The following NPTN variants were observed in gnomAD, a reference collection of about 807,000 sequenced individuals.
NPTN encodes the protein neuroplastin.
NPTN carries 5 observed loss-of-function variants against 42.7 expected under a neutral mutation model. The observed-to-expected ratio is 0.12, with a 90% CI of 0.06 to 0.25. NPTN has a LOEUF of 0.25. Ranked by LOEUF, NPTN falls within the 10% of genes least tolerant of loss-of-function variation. NPTN has a pLI of 1.00. For missense variants in NPTN, 307 were observed against 525.4 expected, an observed-to-expected ratio of 0.58 and a Z score of 4.06; for synonymous variants, 180 against 201.9, an observed-to-expected ratio of 0.89 and a Z score of 0.92.
intron 1 of NPTN, among the ~76,000 whole-genome samples, chr15:73,601,569 A>C (rs990514686): frequency 6.6e-6 from 1 of 152,204 alleles, no homozygotes; most frequent in African/African-American, 2.4e-5. Flanking sequence ...CTTCAACAAG[A>C]AAGCACACAC....
intron 1 of NPTN, among the ~76,000 whole-genome samples, chr15:73,606,221 A>C (rs1335903563): frequency 6.6e-6 from 1 of 152,224 alleles, no homozygotes; most frequent in African/African-American, 2.4e-5. Flanking sequence ...GATCCAAGAA[A>C]GTGTGGCCAA....
Position 73,561,893 on chromosome 15 carries a change from T to TA in NPTN, c.*14+2dup. The TA allele has an allele frequency of 6.3e-7, 1 of 1,597,184 alleles. No homozygotes were observed. Among genetic ancestry groups the TA allele is most frequent in the Non-Finnish European group, 8.6e-7 (1 of 1,168,634 alleles). On this transcript the variant is annotated splice_region_variant and intron_variant, in intron 8 of 8. Transcript: ENST00000345330. ...TAAGACTGCTACAGAAGGCCATACTTACATTGTAAGCAGTACTTAATTTGT... is the reference window on the plus strand; with the variant it reads ...TAAGACTGCTACAGAAGGCCATACTTAACATTGTAAGCAGTACTTAATTTGT...
chr15:73,609,254 T>C (rs1017109281), intron 1 of NPTN, among the ~76,000 whole-genome samples: 1 of 152,194 alleles, frequency 6.6e-6, no homozygotes, highest in Non-Finnish European at 1.5e-5. Context: ...ATGACTCAGA[T>C]ATAAGGCACA....
At chr15:73,588,856 AGTTCT>A (rs766480218) in intron 3 of NPTN, among the ~76,000 whole-genome samples, 3 of 152,226 alleles carry the variant, frequency 2.0e-5, no homozygotes, top group Non-Finnish European at 4.4e-5. Context: ...CAACAGACCA[AGTTCT>A]ATGTGGATAG....
chr15:73,573,587 G>A, intron 5 of NPTN, 75 bp downstream of exon 5: 1 of 1,464,278 alleles, frequency 6.8e-7, no homozygotes, highest in Non-Finnish European at 9.1e-7. Flanking sequence ...AGCTACTACA[G>A]TAACTGACCC....
In NPTN at chr15:73,592,086, A is replaced by T; in HGVS notation, c.491T>A (p.Leu164His). 6.2e-7 allele frequency: 1 copy of T among 1,614,082 alleles called. No individual in the cohort carries two copies. Among genetic ancestry groups the T allele is most frequent in the South Asian group, 1.1e-5 (1 of 91,084 alleles). The change falls in exon 3 of 9, where the codon CTC becomes CAC. Residue 164 changes from leucine (L) to histidine (H), a missense_variant. By Grantham distance (99) the Leu-to-His change is moderately conservative (BLOSUM62 -3). This residue lies in a region of NPTN where 264 missense variants were observed against 491.1 expected (regional missense o/e 0.54). Coordinates refer to ENST00000345330, the MANE Select transcript of NPTN (RefSeq NM_012428.4). The stretch of plus-strand genomic sequence containing the variant: ...GAGGTTACACTGCAGGGTGACAGGG[A>T]GAACAGGGCTGTCTCGAATAATGAC... ...EEVIIRDSPV[L>H]PVTLQCNLTS... is the part of the protein sequence containing the mutation.
intron 1 of NPTN, among the ~76,000 whole-genome samples, chr15:73,609,103 C>T (rs1897431169): frequency 6.6e-6 from 1 of 152,142 alleles, no homozygotes; most frequent in South Asian, 2.1e-4. Flanking sequence ...AAATGATTCA[C>T]CACTGAATGC....
At chr15:73,594,285 G>A (rs1372735730) in intron 2 of NPTN, among the ~76,000 whole-genome samples, 1 of 152,176 alleles carries the variant, frequency 6.6e-6, no homozygotes, top group Non-Finnish European at 1.5e-5. Context: ...GGAGGCCAAA[G>A]TAAATGCTAC....
Position 73,633,351 on chromosome 15 carries a change from T to C in NPTN, c.-136A>G, listed in dbSNP as rs1898876018. 5 of 578,462 alleles carry C rather than the reference T, an allele frequency of 8.6e-6. No homozygotes were observed. Among genetic ancestry groups the C allele is most frequent in the Non-Finnish European group, 8.3e-6 (3 of 363,228 alleles). 35.8% of individuals were successfully genotyped at this position (578,462 alleles called of 1,614,324 possible). A position where few individuals can be genotyped will look rare whatever the true frequency, so the allele number is the denominator to read the frequency against. On this transcript the variant is annotated 5_prime_UTR_variant, in exon 1 of 9. Coordinates refer to ENST00000345330, the MANE Select transcript of NPTN (RefSeq NM_012428.4). The stretch of plus-strand genomic sequence containing the variant: ...AGGCAGCCGCGGCTCGGCTCCGTCC[T>C]TCCCCGTCCTCCTCCTGCCGCCGCA...
chr15:73,598,415 C>G (rs1896925924), intron 1 of NPTN, among the ~76,000 whole-genome samples: 1 of 151,882 alleles, frequency 6.6e-6, no homozygotes, highest in Admixed American at 6.6e-5. Context: ...CTCTAATTGC[C>G]CATAATTTGC....
intron 4 of NPTN, among the ~76,000 whole-genome samples, chr15:73,585,292 T>C (rs1382883276): frequency 6.6e-6 from 1 of 152,196 alleles, no homozygotes; most frequent in African/African-American, 2.4e-5. Context: ...TAACTCTCTA[T>C]TACTCAGCAG....
rs1895259324 is a variant in NPTN at position 73,569,810 on chromosome 15, T to C, written c.1114+340A>G. ...CAAGCTCAATCTGCCTGATGATCTGTATTGAAGGAGGACAGAGCTGAACAA... is the reference window on the plus strand; with the variant it reads ...CAAGCTCAATCTGCCTGATGATCTGCATTGAAGGAGGACAGAGCTGAACAA... On this transcript the variant is annotated intron_variant, in intron 6 of 8. Coordinates refer to ENST00000345330, the MANE Select transcript of NPTN (RefSeq NM_012428.4). This position sits in a 1 kb window ranked among gnomAD's most constrained non-coding sequence, Gnocchi z 4.1. The C allele has an allele frequency of 1.0e-6, 1 of 985,154 alleles. No individual in the cohort carries two copies. Among genetic ancestry groups the C allele is most frequent in the South Asian group, 4.7e-5 (1 of 21,292 alleles). The allele number at this position is 985,154 out of a possible 1,614,324, so 61.0% of individuals were successfully genotyped here.
intron 6 of NPTN, among the ~76,000 whole-genome samples, chr15:73,564,133 A>G (rs1041666281): frequency 2.6e-5 from 4 of 152,274 alleles, no homozygotes; most frequent in African/African-American, 9.6e-5. Context: ...CCCTTTAAGC[A>G]GAGATACACA....
At chr15:73,578,552 T>C (rs185054937) in intron 4 of NPTN, among the ~76,000 whole-genome samples, 65 of 152,290 alleles carry the variant, frequency 4.3e-4, no homozygotes, top group Admixed American at 3.1e-3. Flanking sequence ...GTTACTAAGA[T>C]GAGGAAAATT....
chr15:73,575,534 C>T lies in NPTN; in HGVS notation c.707-1739G>A, dbSNP rs1374535909. 5.3e-5 allele frequency among the ~76,000 whole-genome samples: 8 copies of T among 152,332 alleles called. No homozygotes were observed. In the East Asian group the frequency reaches 1.5e-3, roughly 29 times the overall value. On this transcript the variant is annotated intron_variant, in intron 4 of 8. Coordinates refer to ENST00000345330, the MANE Select transcript of NPTN (RefSeq NM_012428.4). Reference sequence around the variant, plus strand: ...CCAATTCCAGTTTTGTTGGTTCTTTCGTTATTCTGGGCTTTGCTGCTACAG... The same window carrying T: ...CCAATTCCAGTTTTGTTGGTTCTTTTGTTATTCTGGGCTTTGCTGCTACAG...
chr15:73,578,630 T>C (rs1476192938), intron 4 of NPTN, among the ~76,000 whole-genome samples: 1 of 152,166 alleles, frequency 6.6e-6, no homozygotes, highest in Non-Finnish European at 1.5e-5. Flanking sequence ...TGAGAAACAG[T>C]GGTGGTAAAA....
chr15:73,565,423 A>G (rs181925514), intron 6 of NPTN, among the ~76,000 whole-genome samples: 16 of 152,384 alleles, frequency 1.0e-4, no homozygotes, highest in Admixed American at 7.8e-4. Context: ...TGAAATCCAA[A>G]TTAGTTGTGA....
intron 1 of NPTN, among the ~76,000 whole-genome samples, chr15:73,606,054 A>T (rs558990255): frequency 5.8e-4 from 89 of 152,252 alleles, no homozygotes; most frequent in African/African-American, 8.9e-4. Flanking sequence ...AAAGCAAACT[A>T]CTTCTCAAAA....
Position 73,569,386 on chromosome 15 carries a change from T to C in NPTN, c.1114+764A>G. The C allele has an allele frequency of 1.0e-6, 1 of 985,596 alleles. No individual in the cohort carries two copies. Among genetic ancestry groups the C allele is most frequent in the Non-Finnish European group, 1.2e-6 (1 of 830,052 alleles). The allele number at this position is 985,596 out of a possible 1,614,324, so 61.1% of individuals were successfully genotyped here. On this transcript the variant is annotated intron_variant, in intron 6 of 8. Transcript: ENST00000345330. The surrounding 1 kb of genome is among the most constrained non-coding windows in gnomAD (Gnocchi z 4.1). ...AGCTCTTGCTCTTTCCAGTGCTCAGTGGTGTGCTGTGGTTCTGCTGCTACC... is the reference window on the plus strand; with the variant it reads ...AGCTCTTGCTCTTTCCAGTGCTCAGCGGTGTGCTGTGGTTCTGCTGCTACC...
Sources: gnomAD v4.1 joint callset for allele counts (sites outside exome capture counted in the v4.1 genomes callset) on GRCh38, gnomAD v4.1.1 for gene constraint, gnomAD v4.1.1 regional missense constraint, Gnocchi (gnomAD v3.1) non-coding constraint, MANE v1.5 for transcripts, NCBI Gene and HGNC (gene_info 2026-07-23, HGNC 2026-07-21) for gene names.